Variants in ZNF609 observed in about 807,000 individuals in gnomAD.
ZNF609 encodes the protein zinc finger protein 609.
In ZNF609, 11 loss-of-function variants were observed where a neutral mutation model predicts 109.5. That is an observed-to-expected ratio of 0.10 (90% CI 0.06 to 0.17). The LOEUF (loss-of-function observed/expected upper bound fraction) is 0.17. Ranked by LOEUF, ZNF609 falls within the 10% of genes least tolerant of loss-of-function variation. The pLI is 1.00. For synonymous variants in ZNF609, 646 were observed against 662.0 expected (o/e 0.98, Z 0.37); for missense variants, 1,559 against 1,772.4 (o/e 0.88, Z 2.16).
chr15:64,574,621 A>C (rs1894918068), intron 2 of ZNF609, among the ~76,000 whole-genome samples: 1 of 152,134 alleles, frequency 6.6e-6, no homozygotes, highest in Non-Finnish European at 1.5e-5. Context: ...GTTCAAATTC[A>C]AGGATTTGAA....
chr15:64,652,470 T>C (rs1896433352), intron 3 of ZNF609, among the ~76,000 whole-genome samples: 1 of 149,694 alleles, frequency 6.7e-6, no homozygotes, highest in Non-Finnish European at 1.5e-5. Context: ...CACTACAGCC[T>C]CGACCTCCCA....
At chr15:64,636,971 G>A (rs573226345) in intron 3 of ZNF609, among the ~76,000 whole-genome samples, 2 of 152,138 alleles carry the variant, frequency 1.3e-5, no homozygotes, top group South Asian at 2.1e-4. Flanking sequence ...CTGCATTTTC[G>A]AAGTGAACAC....
chr15:64,474,216 C>CT lies in ZNF609; in HGVS notation c.-128+13392dup, dbSNP rs574928157. The stretch of plus-strand genomic sequence containing the variant: ...AGCCACCACACCTGGCCTAGCCTCA[C>CT]TTTTTTTTTTTTTTGAGACTGAGTT... On this transcript the variant is annotated intron_variant, in intron 1 of 9. Coordinates refer to ENST00000326648, the MANE Select transcript of ZNF609 (RefSeq NM_015042.2). Among the ~76,000 whole-genome samples, 1,352 of 142,412 alleles carry CT rather than the reference C, an allele frequency of 9.5e-3. 14 individuals carry two copies. The highest frequency in any genetic ancestry group is 0.025 in the African/African-American group (976 of 39,138). 93.4% of individuals were successfully genotyped at this position (142,412 alleles called of 152,430 possible). A position where few individuals can be genotyped will look rare whatever the true frequency, so the allele number is the denominator to read the frequency against.
chr15:64,619,284 G>T (rs1895845207), intron 2 of ZNF609, among the ~76,000 whole-genome samples: 1 of 152,192 alleles, frequency 6.6e-6, no homozygotes, highest in African/African-American at 2.4e-5. Flanking sequence ...ACAGGCTTGA[G>T]CCATTGCACC....
chr15:64,609,114 TTCTTTC>T (rs1895668661), intron 2 of ZNF609, among the ~76,000 whole-genome samples: 1 of 29,070 alleles, frequency 3.4e-5, no homozygotes, highest in African/African-American at 6.1e-5. Flanking sequence ...CTTTCTTTCT[TTCTTTC>T]TTTCTTTCTT....
intron 2 of ZNF609, among the ~76,000 whole-genome samples, chr15:64,591,671 G>T (rs547257782): frequency 6.6e-6 from 1 of 152,086 alleles, no homozygotes; most frequent in South Asian, 2.1e-4. Context: ...TTGAGCCCAT[G>T]AGATTGAGAA....
intron 2 of ZNF609, among the ~76,000 whole-genome samples, chr15:64,569,179 A>C (rs1484814024): frequency 6.6e-6 from 1 of 152,142 alleles, no homozygotes; most frequent in East Asian, 1.9e-4. Context: ...TCTAATCTAA[A>C]ATAACTTCCT....
chr15:64,613,787 A>G (rs548502115), intron 2 of ZNF609, among the ~76,000 whole-genome samples: 1 of 152,088 alleles, frequency 6.6e-6, no homozygotes, highest in East Asian at 1.9e-4. Flanking sequence ...TGACCTCGTG[A>G]TCCTCCCACC....
intron 2 of ZNF609, among the ~76,000 whole-genome samples, chr15:64,522,645 G>C (rs1389100110): frequency 6.6e-6 from 1 of 152,060 alleles, no homozygotes; most frequent in African/African-American, 2.4e-5. Flanking sequence ...GAGTAGTTTT[G>C]CAATTTTTAA....
rs76200282 is a variant in ZNF609, at chr15:64,495,448, T to C, written c.-127-3845T>C. Among the ~76,000 whole-genome samples, 1,416 of 152,216 alleles carry C rather than the reference T, an allele frequency of 9.3e-3. 23 individuals carry two copies. The highest frequency in any genetic ancestry group is 0.033 in the African/African-American group (1,356 of 41,532). On this transcript the variant is annotated intron_variant, in intron 1 of 9. Transcript: ENST00000326648. The stretch of plus-strand genomic sequence containing the variant: ...TCGCTCTGTCGCCCAGTCTAGAGTA[T>C]AGTGGCACAATCTTGGCTCACTGCA...
intron 2 of ZNF609, among the ~76,000 whole-genome samples, chr15:64,550,915 T>G (rs1301799565): frequency 6.6e-6 from 1 of 152,178 alleles, no homozygotes; most frequent in Non-Finnish European, 1.5e-5. Flanking sequence ...AGTCTTCTCA[T>G]GCATAAGTTT....
chr15:64,518,179 G>A (rs1379996047), intron 2 of ZNF609, among the ~76,000 whole-genome samples: 1 of 152,218 alleles, frequency 6.6e-6, no homozygotes, highest in East Asian at 1.9e-4. Flanking sequence ...GTGCACAGTG[G>A]TGGCCAGAGT....
chr15:64,460,429 G>A (rs1596371166), upstream of ZNF609, among the ~76,000 whole-genome samples: 1 of 152,062 alleles, frequency 6.6e-6, no homozygotes, highest in Admixed American at 6.5e-5. Context: ...TCTGGGCTCC[G>A]GGTGAGCGCG....
At chr15:64,554,706 C>T (rs1156753451) in intron 2 of ZNF609, among the ~76,000 whole-genome samples, 2 of 152,148 alleles carry the variant, frequency 1.3e-5, no homozygotes, top group South Asian at 4.1e-4. Context: ...GATTAAATTT[C>T]AGGTGTTCAA....
chr15:64,598,418 T>C (rs541095946), intron 2 of ZNF609, among the ~76,000 whole-genome samples: 4 of 152,116 alleles, frequency 2.6e-5, no homozygotes, highest in Admixed American at 6.5e-5. Flanking sequence ...ATCCAGCCTC[T>C]ATCTGCTGAT....
intron 2 of ZNF609, among the ~76,000 whole-genome samples, chr15:64,508,851 C>T (rs909519200): frequency 4.3e-5 from 5 of 115,272 alleles, no homozygotes; most frequent in Non-Finnish European, 8.0e-5. Context: ...TGTGCCATCA[C>T]GCCCAACTAA....
intron 1 of ZNF609, among the ~76,000 whole-genome samples, chr15:64,480,415 C>T (rs1893236094): frequency 6.6e-6 from 1 of 151,252 alleles, no homozygotes; most frequent in Admixed American, 6.6e-5. Flanking sequence ...CCTGTAATCT[C>T]AGCTACTTGG....
chr15:64,634,360 C>T (rs1896136608), intron 3 of ZNF609, among the ~76,000 whole-genome samples: 1 of 152,146 alleles, frequency 6.6e-6, no homozygotes, highest in African/African-American at 2.4e-5. Flanking sequence ...CCGCTGAGAA[C>T]CTGCCCCAGC....
rs908669220 is a variant in ZNF609 at position 64,557,510 on chromosome 15, A to T, written c.747+57344A>T. Among the ~76,000 whole-genome samples, 58 of 152,038 alleles carry T rather than the reference A, an allele frequency of 3.8e-4. 1 individual carries two copies. The highest frequency in any genetic ancestry group is 2.7e-3 in the Admixed American group (41 of 15,256). ...CCCAGGGCAATGAATAATTCTATCG[A>T]GGGCTGAAATTAGTGGTGGGGATTG... On this transcript the variant is annotated intron_variant, in intron 2 of 9. Coordinates refer to ENST00000326648, the MANE Select transcript of ZNF609 (RefSeq NM_015042.2).
Sources: allele counts gnomAD v4.1 joint callset (sites outside exome capture counted in the v4.1 genomes callset), GRCh38; gene constraint gnomAD v4.1.1; transcripts MANE v1.5; gene names NCBI Gene and HGNC (gene_info 2026-07-23, HGNC 2026-07-21).